The following SAMD5 variants were observed in gnomAD, a reference collection of about 807,000 sequenced individuals.
SAMD5 encodes the protein sterile alpha motif domain containing 5, also known as sterile alpha motif domain-containing protein 5.
In SAMD5, 13 loss-of-function variants were observed where a neutral mutation model predicts 11.3. The ratio of observed to expected loss-of-function variants is 1.15; its 90% CI spans 0.75 to 1.83. The LOEUF is 1.83. SAMD5 is among the 40% of genes most tolerant of loss of function. SAMD5 has a pLI of 0.00. For synonymous variants in SAMD5, 129 were observed against 111.3 expected (o/e 1.16, Z -1.00); for missense variants, 255 against 239.1 (o/e 1.07, Z -0.44).
At chr6:147,672,369 G>T (rs1254223310) in intron 1 of SAMD5, among the ~76,000 whole-genome samples, 1 of 152,026 alleles carries the variant, frequency 6.6e-6, no homozygotes, top group Non-Finnish European at 1.5e-5. Context: ...ATATATTGTG[G>T]TAAATTTTCC....
At chr6:147,741,069 A>G (rs1791873052), downstream of SAMD5, among the ~76,000 whole-genome samples, 1 of 152,194 alleles carries the variant, frequency 6.6e-6, no homozygotes. Flanking sequence ...CGCCTCTGGT[A>G]TTGTGTCTCA....
chr6:147,617,649 TG>T (rs1789893019), intron 1 of SAMD5, among the ~76,000 whole-genome samples: 1 of 152,228 alleles, frequency 6.6e-6, no homozygotes, highest in Non-Finnish European at 1.5e-5. Flanking sequence ...CATTAGCTTA[TG>T]GGGGTCTCTT....
chr6:147,521,862 C>A (rs545768650), intron 1 of SAMD5, among the ~76,000 whole-genome samples: 65 of 137,858 alleles, frequency 4.7e-4, no homozygotes, highest in African/African-American at 1.8e-3. Flanking sequence ...ATAACAAGAA[C>A]GACAACTTTT....
the SAMD5 span, among the ~76,000 whole-genome samples, chr6:147,923,718 C>T: frequency 6.6e-6 from 1 of 152,086 alleles, no homozygotes; most frequent in Non-Finnish European, 1.5e-5. Context: ...CGATGTGGTT[C>T]CAGAATTGTA....
intron 1 of SAMD5, among the ~76,000 whole-genome samples, chr6:147,678,880 C>G (rs1790901690): frequency 6.6e-6 from 1 of 151,968 alleles, no homozygotes; most frequent in South Asian, 2.1e-4. Context: ...AGGTGTATAC[C>G]CATGAAACCA....
the SAMD5 span, among the ~76,000 whole-genome samples, chr6:147,791,472 C>G: frequency 6.6e-6 from 1 of 151,954 alleles, no homozygotes; most frequent in East Asian, 1.9e-4. Flanking sequence ...TAGTGATATA[C>G]GTTTATACCT....
chr6:147,682,757 T>G (rs1444786309), intron 1 of SAMD5, among the ~76,000 whole-genome samples: 1 of 139,740 alleles, frequency 7.2e-6, no homozygotes, highest in Non-Finnish European at 1.5e-5. Context: ...TCTTTACATT[T>G]TTAAATCTTA....
At chr6:147,805,387 A>G in the SAMD5 span, among the ~76,000 whole-genome samples, 1,872 of 152,334 alleles carry the variant, frequency 0.012, 48 homozygotes, top group African/African-American at 0.042. Flanking sequence ...GTTTACATAC[A>G]GGATGTTACT....
At chr6:147,554,528 G>A (rs1788823987) in intron 1 of SAMD5, among the ~76,000 whole-genome samples, 1 of 152,198 alleles carries the variant, frequency 6.6e-6, no homozygotes, top group Admixed American at 6.5e-5. Flanking sequence ...CAATTGCTGG[G>A]TCACTTCAAA....
In SAMD5 at chr6:147,566,778, A is replaced by T. The variant is rs1384364537; in HGVS notation, c.*2322A>T. ...GGAAGAAAACTTCAAATAAGCAAAGAAGTATTGAAGGATGCCCACGAATTC... is the reference window on the plus strand; with the variant it reads ...GGAAGAAAACTTCAAATAAGCAAAGTAGTATTGAAGGATGCCCACGAATTC... On this transcript the variant is annotated 3_prime_UTR_variant, in exon 2 of 2. Coordinates refer to ENST00000367474, the MANE Select transcript of SAMD5 (RefSeq NM_001030060.3). 1 of 983,480 alleles carries T rather than the reference A, an allele frequency of 1.0e-6. No homozygotes were observed. Among genetic ancestry groups the T allele is most frequent in the African/African-American group, 1.7e-5 (1 of 57,176 alleles). 60.9% of individuals were successfully genotyped at this position (983,480 alleles called of 1,614,324 possible).
chr6:147,768,263 T>C, the SAMD5 span, among the ~76,000 whole-genome samples: 6,263 of 152,222 alleles, frequency 0.041, 242 homozygotes, highest in Middle Eastern at 0.095. Flanking sequence ...TTTGGGAGGC[T>C]GAGGTGGGCA....
the SAMD5 span, among the ~76,000 whole-genome samples, chr6:147,851,961 GT>G: frequency 2.6e-5 from 4 of 152,056 alleles, no homozygotes; most frequent in Non-Finnish European, 5.9e-5. Context: ...TCATGATGTA[GT>G]TTTACTCATA....
chr6:147,914,372 T>C, the SAMD5 span, among the ~76,000 whole-genome samples: 11 of 152,170 alleles, frequency 7.2e-5, no homozygotes, highest in Non-Finnish European at 1.5e-4. Flanking sequence ...CCACAAGGCA[T>C]TGAAGTCAGC....
the SAMD5 span, among the ~76,000 whole-genome samples, chr6:147,927,501 G>C: frequency 6.6e-6 from 1 of 152,094 alleles, no homozygotes; most frequent in Non-Finnish European, 1.5e-5. Flanking sequence ...CACGATTTTT[G>C]CACAGTGAGT....
intron 1 of SAMD5, among the ~76,000 whole-genome samples, chr6:147,724,183 A>C (rs1026963863): frequency 6.6e-6 from 1 of 152,204 alleles, no homozygotes; most frequent in Admixed American, 6.5e-5. Context: ...GCTGGAGTGC[A>C]GTGGCACAAT....
At chr6:147,893,649 A>G in the SAMD5 span, among the ~76,000 whole-genome samples, 1 of 152,096 alleles carries the variant, frequency 6.6e-6, no homozygotes. Context: ...ATCTATTGAC[A>G]CTATTGCTTG....
the SAMD5 span, among the ~76,000 whole-genome samples, chr6:147,837,923 G>A: frequency 6.6e-6 from 1 of 151,888 alleles, no homozygotes; most frequent in East Asian, 1.9e-4. Context: ...TAACCACAGG[G>A]ATGGAACTCC....
At chr6:147,838,966 T>G in the SAMD5 span, among the ~76,000 whole-genome samples, 1 of 152,216 alleles carries the variant, frequency 6.6e-6, no homozygotes. Context: ...GGGCCTGGAA[T>G]AAATCACAGT....
chr6:147,781,782 A>G, the SAMD5 span, among the ~76,000 whole-genome samples: 3,847 of 138,962 alleles, frequency 0.028, 159 homozygotes, highest in African/African-American at 0.1. Context: ...GCACACACAC[A>G]CACACACACA....
Sources: gnomAD v4.1 joint callset for allele counts (sites outside exome capture counted in the v4.1 genomes callset) on GRCh38, gnomAD v4.1.1 for gene constraint, MANE v1.5 for transcripts, NCBI Gene and HGNC (gene_info 2026-07-23, HGNC 2026-07-21) for gene names.